HPSE2: variants seen among roughly 807,000 people sequenced by gnomAD.
HPSE2 encodes heparanase 2 (inactive).
HPSE2 carries 38 observed loss-of-function variants against 60.5 expected under a neutral mutation model. The ratio of observed to expected loss-of-function variants is 0.63; its 90% confidence interval spans 0.48 to 0.82. HPSE2 has a LOEUF of 0.82. Among genes scored for constraint, HPSE2 ranks in the 40% least tolerant of loss-of-function variants. The probability of loss-of-function intolerance (pLI) is 0.00; values close to 1 mark genes in which losing one functional copy is unlikely to be tolerated. For synonymous variants in HPSE2, 295 were observed against 293.2 expected (o/e 1.01, Z -0.06); for missense variants, 713 against 740.4 (o/e 0.96, Z 0.43).
At chr10:98,475,673 AC>A (rs1940981863) in intron 11 of HPSE2, among the ~76,000 whole-genome samples, 2 of 151,916 alleles carry the variant, frequency 1.3e-5, no homozygotes, top group Non-Finnish European at 2.9e-5. Context: ...ATTTTTATAT[AC>A]CTCAAATTAA....
intron 3 of HPSE2, among the ~76,000 whole-genome samples, chr10:99,009,809 T>A (rs1956972349): frequency 6.6e-6 from 1 of 152,198 alleles, no homozygotes; most frequent in South Asian, 2.1e-4. Context: ...TCATTTGCTT[T>A]TGCAAAACAA....
At chr10:99,165,065 G>A (rs1348258531) in intron 2 of HPSE2, among the ~76,000 whole-genome samples, 1 of 110,888 alleles carries the variant, frequency 9.0e-6, no homozygotes, top group East Asian at 3.0e-4. Flanking sequence ...TCTGGCAACA[G>A]AGCAAGACTC....
At chr10:98,498,827 T>C (rs765033505) in intron 9 of HPSE2, among the ~76,000 whole-genome samples, 8 of 152,218 alleles carry the variant, frequency 5.3e-5, no homozygotes, top group South Asian at 4.1e-4. Context: ...ACAGGAAACA[T>C]TGGACACACT....
chr10:98,494,741 G>A (rs2133692139), intron 9 of HPSE2, among the ~76,000 whole-genome samples: 1 of 152,192 alleles, frequency 6.6e-6, no homozygotes. Flanking sequence ...AACATAAACT[G>A]ATAATTCTTT....
intron 3 of HPSE2, among the ~76,000 whole-genome samples, chr10:98,846,968 G>T (rs1952050408): frequency 6.6e-6 from 1 of 152,172 alleles, no homozygotes. Context: ...TGTATATGCA[G>T]AGGTAAAATG....
intron 3 of HPSE2, among the ~76,000 whole-genome samples, chr10:99,055,931 C>A (rs1317609224): frequency 1.3e-5 from 2 of 151,870 alleles, no homozygotes; most frequent in East Asian, 3.9e-4. Flanking sequence ...GAAGGAAGGG[C>A]AAATTAAATC....
At chr10:99,194,477 A>G (rs926553972) in intron 2 of HPSE2, among the ~76,000 whole-genome samples, 5 of 151,916 alleles carry the variant, frequency 3.3e-5, no homozygotes, top group African/African-American at 1.2e-4. Context: ...TGATAAAACA[A>G]AGAGTTCATT....
intron 3 of HPSE2, among the ~76,000 whole-genome samples, chr10:98,753,975 C>T (rs552995910): frequency 6.6e-6 from 1 of 152,168 alleles, no homozygotes; most frequent in Non-Finnish European, 1.5e-5. Context: ...AATGACCACA[C>T]TAGCTTCCCA....
chr10:98,793,520 C>T (rs1033619477), intron 3 of HPSE2, among the ~76,000 whole-genome samples: 1 of 152,296 alleles, frequency 6.6e-6, no homozygotes, highest in East Asian at 1.9e-4. Context: ...GTCATCAGAA[C>T]AGACAAGGTC....
intron 10 of HPSE2, among the ~76,000 whole-genome samples, chr10:98,483,667 C>T (rs974172072): frequency 6.6e-6 from 1 of 152,166 alleles, no homozygotes; most frequent in African/African-American, 2.4e-5. Context: ...GCAAAAACCT[C>T]TAGGCAGAAG....
chr10:99,129,328 A>C (rs1015736920), intron 3 of HPSE2, among the ~76,000 whole-genome samples: 3 of 152,222 alleles, frequency 2.0e-5, no homozygotes, highest in Non-Finnish European at 4.4e-5. Flanking sequence ...CATCTGTAGA[A>C]TATACATTCT....
intron 9 of HPSE2, among the ~76,000 whole-genome samples, chr10:98,548,043 T>C (rs1589404061): frequency 6.6e-6 from 1 of 152,172 alleles, no homozygotes; most frequent in Non-Finnish European, 1.5e-5. Context: ...AATACAGATA[T>C]GGACAACACA....
intron 9 of HPSE2, among the ~76,000 whole-genome samples, chr10:98,493,331 T>C (rs1029009525): frequency 5.3e-5 from 8 of 152,236 alleles, no homozygotes; most frequent in African/African-American, 1.9e-4. Flanking sequence ...GTTTATTATG[T>C]TGTTTAACTC....
At chr10:98,868,295 A>G (rs1271626331) in intron 3 of HPSE2, among the ~76,000 whole-genome samples, 1 of 152,026 alleles carries the variant, frequency 6.6e-6, no homozygotes, top group African/African-American at 2.4e-5. Flanking sequence ...AAAAATCAAA[A>G]CAATTAAATT....
At chr10:98,623,037 A>T (rs988509545) in intron 7 of HPSE2, among the ~76,000 whole-genome samples, 1 of 152,138 alleles carries the variant, frequency 6.6e-6, no homozygotes, top group African/African-American at 2.4e-5. Flanking sequence ...GCAGAGTAAT[A>T]TATTTGTGTT....
chr10:99,082,281 A>T (rs1431869585), intron 3 of HPSE2, among the ~76,000 whole-genome samples: 1 of 152,218 alleles, frequency 6.6e-6, no homozygotes, highest in Non-Finnish European at 1.5e-5. Flanking sequence ...AAGTTGAAGC[A>T]CTTGCTGTAC....
At chr10:98,904,437 G>A (rs1304115165) in intron 3 of HPSE2, among the ~76,000 whole-genome samples, 1 of 152,108 alleles carries the variant, frequency 6.6e-6, no homozygotes, top group Non-Finnish European at 1.5e-5. Context: ...TGAAGATGAA[G>A]AGAAATCTTA....
intron 3 of HPSE2, among the ~76,000 whole-genome samples, chr10:98,972,907 A>G (rs1026431567): frequency 1.3e-5 from 2 of 152,176 alleles, no homozygotes; most frequent in African/African-American, 4.8e-5. Context: ...GGGGAGCTCC[A>G]GGTGGGTAAG....
chr10:98,614,784 A>T (rs1222179220), intron 9 of HPSE2, 120 bp downstream of exon 9: 10 of 778,488 alleles, frequency 1.3e-5, no homozygotes, highest in Non-Finnish European at 2.3e-5. Context: ...GTTTCTGTTC[A>T]ATGAATGAAA....
Sources: gnomAD v4.1 joint callset for allele counts (sites outside exome capture counted in the v4.1 genomes callset) on GRCh38, gnomAD v4.1.1 for gene constraint, MANE v1.5 for transcripts, NCBI Gene and HGNC (gene_info 2026-07-23, HGNC 2026-07-21) for gene names.